The following PALM variants were observed in gnomAD, a reference collection of about 807,000 sequenced individuals.
PALM encodes the protein paralemmin, also known as paralemmin-1.
In PALM, 18 loss-of-function variants were observed where a neutral mutation model predicts 30.7. The ratio of observed to expected loss-of-function variants is 0.59; its 90% confidence interval spans 0.41 to 0.87. The LOEUF is 0.87. Ranked by LOEUF, PALM falls within the 40% of genes least tolerant of loss-of-function variation. PALM has a pLI of 0.00. For missense variants in PALM, 529 were observed against 555.4 expected (o/e 0.95, Z 0.48); for synonymous variants, 286 against 242.8 (o/e 1.18, Z -1.66).
intron 1 of PALM, among the ~76,000 whole-genome samples, chr19:721,390 C>G (rs1365013548): frequency 6.7e-6 from 1 of 149,622 alleles, no homozygotes; most frequent in Non-Finnish European, 1.5e-5. Flanking sequence ...CTCAGCCTCC[C>G]GAGTAGCTGG....
In PALM at chr19:717,276, A is replaced by G. The variant is rs2051404549; in HGVS notation, c.5+8125A>G. Among the ~76,000 whole-genome samples, 3 of 151,898 alleles carry G rather than the reference A, an allele frequency of 2.0e-5. No homozygotes were observed. In the South Asian group the frequency reaches 6.2e-4, roughly 32 times the overall value. ...TTGTAGAACATTTTCATCACCCCCA[A>G]AACAAGCCCTGTCCCCATTAGGCAT... On this transcript the variant is annotated intron_variant, in intron 1 of 8. Transcript: ENST00000338448.
chr19:736,197 G>A (rs1037984187), intron 7 of PALM, 119 bp downstream of exon 7: 237 of 722,350 alleles, frequency 3.3e-4, no homozygotes, highest in Non-Finnish European at 5.0e-4. Flanking sequence ...CGTCTGACGG[G>A]GCCGTGGTTA....
chr19:720,522 TCTGGGGAGGGGCGAGAGGGGCGCCCGGGC>T (rs1179912345), intron 1 of PALM, among the ~76,000 whole-genome samples: 5 of 105,384 alleles, frequency 4.7e-5, no homozygotes, highest in African/African-American at 1.1e-4. Flanking sequence ...GGGCGCCGGG[TCTGGGGAGGGGCGAGAGGGGCGCCCGGGC>T]CTGGGGAGAG....
At chr19:734,305 A>G in intron 6 of PALM, 111 bp downstream of exon 6, 1 of 1,031,588 alleles carries the variant, frequency 9.7e-7, no homozygotes, top group Non-Finnish European at 1.5e-6. Context: ...CACGCCTGTG[A>G]TCCCAGCACT....
intron 7 of PALM, among the ~76,000 whole-genome samples, chr19:738,975 G>C (rs997223936): frequency 3.9e-5 from 6 of 152,212 alleles, no homozygotes; most frequent in African/African-American, 1.4e-4. Context: ...GGTCAGGCCA[G>C]TCCTGGCAGC....
chr19:720,278 C>G (rs1174618797), intron 1 of PALM, among the ~76,000 whole-genome samples: 1 of 151,752 alleles, frequency 6.6e-6, no homozygotes, highest in Non-Finnish European at 1.5e-5. Flanking sequence ...TCCCGCGGGC[C>G]CCTCCATCCA....
In PALM at chr19:742,439, TG is replaced by T. The variant is rs1481504153; in HGVS notation, c.634+1957del. The stretch of plus-strand genomic sequence containing the variant: ...GGCCAACATGGAGAACCCCCGTCTC[TG>T]CTAAAAATACAAAAATTAGCTGGAC... On this transcript the variant is annotated intron_variant, in intron 8 of 8. Transcript: ENST00000338448. The surrounding 1 kb of genome is among the most constrained non-coding windows in gnomAD (Gnocchi z 5.5). Among the ~76,000 whole-genome samples the T allele has an allele frequency of 1.3e-5, 2 of 152,132 alleles. No individual in the cohort carries two copies. The highest frequency in any genetic ancestry group is 1.3e-4 in the Admixed American group (2 of 15,268).
chr19:719,103 G>A, intron 1 of PALM: 1 of 984,836 alleles, frequency 1.0e-6, no homozygotes, highest in South Asian at 4.7e-5. Flanking sequence ...TGTTCCCGGC[G>A]CTGGGCTCGG....
chr19:741,520 G>A (rs2033194780), intron 8 of PALM, among the ~76,000 whole-genome samples: 1 of 3,032 alleles, frequency 3.3e-4, no homozygotes, highest in Non-Finnish European at 8.3e-4. Flanking sequence ...GAGGGGAGAC[G>A]GGGTGAGGGG....
chr19:718,670 C>A (rs1299358769), intron 1 of PALM, among the ~76,000 whole-genome samples: 6 of 152,222 alleles, frequency 3.9e-5, no homozygotes, highest in Non-Finnish European at 7.4e-5. Flanking sequence ...TTCTCGGTGC[C>A]CCAGAGACTG....
rs1320153160 is a variant in PALM, at chr19:719,705, G to A, written c.6-6433G>A. The A allele has an allele frequency of 4.7e-6, 4 of 851,498 alleles. No individual in the cohort carries two copies. The African/African-American group carries it at 5.5e-5, about 12-fold the overall frequency. The allele number at this position is 851,498 out of a possible 1,614,324, so 52.7% of individuals were successfully genotyped here. A position where few individuals can be genotyped will look rare whatever the true frequency, so the allele number is the denominator to read the frequency against. On this transcript the variant is annotated intron_variant, in intron 1 of 8. Coordinates refer to ENST00000338448, the MANE Select transcript of PALM (RefSeq NM_002579.3). ...CTCCGCTTCCTTCCGTGACCCCTGC[G>A]CCGGGGTCCTGGTCCCAGCCTCGCC... is the stretch of plus-strand genomic sequence containing the variant.
At chr19:723,356 G>C (rs2032556485) in intron 1 of PALM, among the ~76,000 whole-genome samples, 1 of 152,004 alleles carries the variant, frequency 6.6e-6, no homozygotes, top group South Asian at 2.1e-4. Context: ...AAGATGTTGG[G>C]GGTCGGGGGA....
intron 7 of PALM, among the ~76,000 whole-genome samples, chr19:738,325 G>C (rs1381399818): frequency 6.6e-6 from 1 of 152,104 alleles, no homozygotes; most frequent in Non-Finnish European, 1.5e-5. Flanking sequence ...AGGAGATCGA[G>C]ACCATCTTGG....
At chr19:725,561 AAAAC>A (rs1397955370) in intron 1 of PALM, among the ~76,000 whole-genome samples, 1 of 152,160 alleles carries the variant, frequency 6.6e-6, no homozygotes, top group Non-Finnish European at 1.5e-5. Flanking sequence ...TCCATCTGAA[AAAAC>A]AAACAAAACC....
At chr19:719,523 C>G in intron 1 of PALM, 1 of 985,374 alleles carries the variant, frequency 1.0e-6, no homozygotes, top group Non-Finnish European at 1.2e-6. Flanking sequence ...CTGCCGGGAG[C>G]CAGGGAGGCT....
intron 1 of PALM, among the ~76,000 whole-genome samples, chr19:710,928 C>G (rs1486547491): frequency 6.6e-6 from 1 of 152,220 alleles, no homozygotes; most frequent in Non-Finnish European, 1.5e-5. Context: ...GACACCTGCC[C>G]CCTCGTTCTT....
intron 4 of PALM, among the ~76,000 whole-genome samples, chr19:728,110 C>T (rs936778323): frequency 2.6e-5 from 4 of 152,172 alleles, no homozygotes; most frequent in East Asian, 1.9e-4. Flanking sequence ...GCCCAGCTGG[C>T]GGGCAAGCGC....
intron 1 of PALM, among the ~76,000 whole-genome samples, chr19:720,376 C>T (rs2032428019): frequency 7.0e-6 from 1 of 142,054 alleles, no homozygotes; most frequent in African/African-American, 2.6e-5. Context: ...GCGTCCAGGC[C>T]CGGGGAGGGG....
In PALM at chr19:742,472, G is replaced by A. The variant is rs1306934282; in HGVS notation, c.634+1989G>A. Among the ~76,000 whole-genome samples the A allele has an allele frequency of 6.6e-6, 1 of 152,158 alleles. No individual in the cohort carries two copies. The highest frequency in any genetic ancestry group is 2.4e-5 in the African/African-American group (1 of 41,430). ...ATACAAAAATTAGCTGGACGTGGTGGCGGACGCCTGTAATCCCAGATACTT... is the reference window on the plus strand; with the variant it reads ...ATACAAAAATTAGCTGGACGTGGTGACGGACGCCTGTAATCCCAGATACTT... On this transcript the variant is annotated intron_variant, in intron 8 of 8. Coordinates refer to ENST00000338448, the MANE Select transcript of PALM (RefSeq NM_002579.3). The surrounding 1 kb of genome is among the most constrained non-coding windows in gnomAD (Gnocchi z 5.5).
Sources: allele counts gnomAD v4.1 joint callset (sites outside exome capture counted in the v4.1 genomes callset), GRCh38; gene constraint gnomAD v4.1.1; non-coding constraint Gnocchi (gnomAD v3.1); transcripts MANE v1.5; gene names NCBI Gene and HGNC (gene_info 2026-07-23, HGNC 2026-07-21).